Variants in KLHL4 observed in about 807,000 individuals in gnomAD.
The protein encoded by KLHL4 is kelch like family member 4.
Under a neutral mutation model 45.8 loss-of-function variants are expected in KLHL4, and 17 were observed. That is an observed-to-expected ratio of 0.37 (90% CI 0.25 to 0.56). The LOEUF is 0.56. Among genes scored for constraint, KLHL4 ranks in the 20% least tolerant of loss-of-function variants. The pLI is 0.79. For missense variants in KLHL4, 544 were observed against 544.9 expected (o/e 1.00, Z 0.02); for synonymous variants, 224 against 189.9 (o/e 1.18, Z -1.47).
intron 1 of KLHL4, among the ~76,000 whole-genome samples, chrX:87,569,117 AC>A (rs1159757956): frequency 9.0e-6 from 1 of 111,373 alleles, no homozygotes; most frequent in East Asian, 2.8e-4. Flanking sequence ...AACATATACA[AC>A]TAAACAACTA....
At chrX:87,548,133 C>A (rs1462559696) in intron 1 of KLHL4, among the ~76,000 whole-genome samples, 2 of 111,471 alleles carry the variant, frequency 1.8e-5, no homozygotes, top group African/African-American at 6.5e-5. Flanking sequence ...AAATAACATA[C>A]AATGGAGCTC....
At chrX:87,522,154 T>C (rs1028939359) in intron 1 of KLHL4, among the ~76,000 whole-genome samples, 22 of 112,196 alleles carry the variant, frequency 2.0e-4, no homozygotes, top group African/African-American at 6.8e-4. Context: ...GTGAAACTTA[T>C]TGTAAAATTA....
chrX:87,610,615 T>A (rs1458661534), intron 1 of KLHL4, among the ~76,000 whole-genome samples: 3 of 112,011 alleles, frequency 2.7e-5, no homozygotes, highest in African/African-American at 9.7e-5. Flanking sequence ...AATTTACATA[T>A]TAATATATAT....
At chrX:87,589,692 G>GGAAT (rs758928341) in intron 1 of KLHL4, among the ~76,000 whole-genome samples, 3 of 111,142 alleles carry the variant, frequency 2.7e-5, no homozygotes, top group Non-Finnish European at 5.7e-5. Context: ...TGGGAAGGGA[G>GGAAT]GAATGGTTAA....
chrX:87,660,845 A>T (rs1924163847), intron 9 of KLHL4, among the ~76,000 whole-genome samples: 1 of 112,419 alleles, frequency 8.9e-6, no homozygotes, highest in Non-Finnish European at 1.9e-5. Context: ...CTCTGTCTTT[A>T]AAAAACAAAC....
At chrX:87,524,570 G>A (rs1931072575) in intron 1 of KLHL4, among the ~76,000 whole-genome samples, 1 of 110,434 alleles carries the variant, frequency 9.1e-6, no homozygotes, top group African/African-American at 3.3e-5. Flanking sequence ...CAAAATACCT[G>A]GTCTATACTC....
chrX:87,635,071 G>T lies in KLHL4; in HGVS notation c.1713-492G>T, dbSNP rs1034436376. On this transcript the variant is annotated intron_variant, in intron 8 of 10. Coordinates refer to ENST00000373119, the MANE Select transcript of KLHL4 (RefSeq NM_019117.5). ...CGAGGGAAAAAAATCTAGTTTCTAG[G>T]TTCTATCCTCTTTCCTTAGTTGTTT... Among the ~76,000 whole-genome samples the T allele has an allele frequency of 1.1e-3, 127 of 111,818 alleles. 1 individual carries two copies. Among genetic ancestry groups the T allele is most frequent in the African/African-American group, 4.0e-3 (123 of 30,822 alleles).
chrX:87,627,033 T>G (rs1404125871), intron 6 of KLHL4, among the ~76,000 whole-genome samples: 2 of 112,018 alleles, frequency 1.8e-5, no homozygotes, highest in Admixed American at 1.9e-4. Flanking sequence ...CTAGGAAGTG[T>G]CAGGTGTTGT....
chrX:87,638,101 C>T lies in KLHL4; in HGVS notation c.1925+2326C>T, dbSNP rs1477058447. Among the ~76,000 whole-genome samples the T allele has an allele frequency of 3.6e-5, 4 of 111,349 alleles. No homozygotes were observed. In the Admixed American group the frequency reaches 3.8e-4, roughly 11 times the overall value. On this transcript the variant is annotated intron_variant, in intron 9 of 10. Transcript: ENST00000373119. ...ACAAGTAGAAGAAAGAATGTCAGAG[C>T]TTGAAGACAAGTGTATCAAATTAAC...
chrX:87,628,596 C>T (rs1923009609), intron 6 of KLHL4, among the ~76,000 whole-genome samples: 1 of 111,412 alleles, frequency 9.0e-6, no homozygotes, highest in Non-Finnish European at 1.9e-5. Context: ...TTTTTGACTA[C>T]ATATTGAGTA....
chrX:87,632,384 G>C lies in KLHL4; in HGVS notation c.1499G>C (p.Gly500Ala), dbSNP rs762275631. Reference protein sequence around the residue: ...LNTVECFNPVGKIWTVMPPMS... With the variant: ...LNTVECFNPVAKIWTVMPPMS... ...ACAGTGGAATGTTTTAATCCAGTTG[G>C]CAAAATCTGGACTGTGATGCCTCCC... The change falls in exon 7 of 11, where the codon GGC becomes GCC. Residue 500 changes from glycine (G) to alanine (A), a missense_variant. Physicochemically the swap from Gly to Ala is moderately conservative, Grantham distance 60 (BLOSUM62 0). Transcript: ENST00000373119. 134 of 1,208,216 alleles carry C rather than the reference G, an allele frequency of 1.1e-4. No individual in the cohort carries two copies. The South Asian group carries it at 2.3e-3, about 21-fold the overall frequency.
chrX:87,650,810 C>T (rs1305721065), intron 9 of KLHL4, among the ~76,000 whole-genome samples: 1 of 111,777 alleles, frequency 8.9e-6, no homozygotes, highest in Non-Finnish European at 1.9e-5. Context: ...ACTCACAGTT[C>T]CACGTGGCTG....
intron 1 of KLHL4, among the ~76,000 whole-genome samples, chrX:87,586,689 T>C (rs1335521979): frequency 3.6e-5 from 4 of 110,469 alleles, no homozygotes; most frequent in African/African-American, 1.3e-4. Context: ...AAATTTCAAA[T>C]AAGCAATCTA....
chrX:87,537,392 T>A (rs996302340), intron 1 of KLHL4, among the ~76,000 whole-genome samples: 1 of 111,504 alleles, frequency 9.0e-6, no homozygotes, highest in Non-Finnish European at 1.9e-5. Context: ...ATTTTATTTT[T>A]ATATTAATGT....
chrX:87,604,659 A>G (rs1363766944), intron 1 of KLHL4, among the ~76,000 whole-genome samples: 1 of 111,359 alleles, frequency 9.0e-6, no homozygotes, highest in Non-Finnish European at 1.9e-5. Flanking sequence ...TATATATTCT[A>G]GGTATTAACC....
intron 1 of KLHL4, among the ~76,000 whole-genome samples, chrX:87,584,021 C>T (rs1921375771): frequency 9.0e-6 from 1 of 111,193 alleles, no homozygotes; most frequent in Admixed American, 9.6e-5. Flanking sequence ...GAGAGAGACT[C>T]TACATTTTTG....
chrX:87,530,831 C>A (rs1931253134), intron 1 of KLHL4, among the ~76,000 whole-genome samples: 1 of 107,316 alleles, frequency 9.3e-6, no homozygotes, highest in African/African-American at 3.5e-5. Context: ...TTCTAGATCC[C>A]TGAGGAATCG....
chrX:87,650,002 GA>G (rs200869685), intron 9 of KLHL4, among the ~76,000 whole-genome samples: 1,318 of 111,409 alleles, frequency 0.012, 13 homozygotes, highest in African/African-American at 0.041. Flanking sequence ...TGGGTCTCTT[GA>G]GATTCTATAT....
At position 87,618,077 on chromosome X, in the gene KLHL4, A is replaced by G. The variant is rs1255694704; in HGVS notation, c.873A>G (p.Gly291=). 2 of 1,209,314 alleles carry G rather than the reference A, an allele frequency of 1.7e-6. No individual in the cohort carries two copies. The highest frequency in any genetic ancestry group is 3.5e-5 in the African/African-American group (2 of 57,201). ...ACTGCTTAGGGATTCGATCATTTGG[A>G]GATGCCCAAGGCTGTACAGAACTTC... The part of the protein sequence containing the change: ...PSNCLGIRSF[G]DAQGCTELLN... Residue 291 remains glycine, a synonymous_variant, in exon 4 of 11, where the codon GGA becomes GGG. Coordinates refer to ENST00000373119, the MANE Select transcript of KLHL4 (RefSeq NM_019117.5).
Sources: gnomAD v4.1 joint callset for allele counts (sites outside exome capture counted in the v4.1 genomes callset) on GRCh38, gnomAD v4.1.1 for gene constraint, MANE v1.5 for transcripts, NCBI Gene and HGNC (gene_info 2026-07-23, HGNC 2026-07-21) for gene names.